P4HA2: variants seen among roughly 807,000 people sequenced by gnomAD.
P4HA2 encodes the protein prolyl 4-hydroxylase subunit alpha-2.
In P4HA2, 46 loss-of-function variants were observed where a neutral mutation model predicts 76.9. The ratio of observed to expected loss-of-function variants is 0.60; its 90% CI spans 0.47 to 0.76. P4HA2 has a LOEUF of 0.76. Ranked by LOEUF, P4HA2 falls within the 30% of genes least tolerant of loss-of-function variation. P4HA2 has a pLI of 0.00. For missense variants in P4HA2, 583 were observed against 669.4 expected, an observed-to-expected ratio of 0.87 and a Z score of 1.42; for synonymous variants, 243 against 254.0, an observed-to-expected ratio of 0.96 and a Z score of 0.41.
chr5:132,195,495 C>T lies in P4HA2; in HGVS notation c.1366-15G>A. ...ACATCACTCATCTGGAAATATAAGA[C>T]ATAGAGCTTGACCCTCCTACCCAAG... On this transcript the variant is annotated splice_polypyrimidine_tract_variant and intron_variant, in intron 12 of 14. Coordinates refer to ENST00000360568, the MANE Select transcript of P4HA2 (RefSeq NM_001017974.2). 1 of 1,603,014 alleles carries T rather than the reference C, an allele frequency of 6.2e-7. No individual in the cohort carries two copies. The highest frequency in any genetic ancestry group is 8.5e-7 in the Non-Finnish European group (1 of 1,169,930).
chr5:132,212,536 G>A (rs1753230574), intron 5 of P4HA2, among the ~76,000 whole-genome samples: 1 of 152,186 alleles, frequency 6.6e-6, no homozygotes, highest in Non-Finnish European at 1.5e-5. Context: ...GTGTTTACAA[G>A]GAGATGAGGA....
Position 132,191,031 on chromosome 5 carries a change from G to A in P4HA2, c.*1979C>T, listed in dbSNP as rs1382750321. Among the ~76,000 whole-genome samples the A allele has an allele frequency of 6.6e-6, 1 of 152,192 alleles. No individual in the cohort carries two copies. Among genetic ancestry groups the A allele is most frequent in the Non-Finnish European group, 1.5e-5 (1 of 68,034 alleles). On this transcript the variant is annotated 3_prime_UTR_variant, in exon 15 of 15. Coordinates refer to ENST00000360568, the MANE Select transcript of P4HA2 (RefSeq NM_001017974.2). ...TGGGAACTGGAAAGTCCGAGATCAA[G>A]ATGCTAGTAGGTTTGTTTCTGGTAA...
At chr5:132,220,392 T>C (rs1257544670) in intron 1 of P4HA2, among the ~76,000 whole-genome samples, 1 of 152,198 alleles carries the variant, frequency 6.6e-6, no homozygotes, top group Non-Finnish European at 1.5e-5. Flanking sequence ...GCTGGGAGGA[T>C]GTATCTGTGA....
chr5:132,195,664 G>C (rs1750524749), intron 12 of P4HA2, 184 bp from the exon 13 acceptor site: 10 of 627,780 alleles, frequency 1.6e-5, no homozygotes, highest in Non-Finnish European at 2.3e-5. Flanking sequence ...TAACCAGTGT[G>C]ATTCATTAGA....
chr5:132,217,507 A>C (rs1754076370), intron 3 of P4HA2, 159 bp from the exon 4 acceptor site: 1 of 685,192 alleles, frequency 1.5e-6, no homozygotes, highest in African/African-American at 1.8e-5. Flanking sequence ...AGATACTTCT[A>C]GCCCCTTAAT....
intron 4 of P4HA2, among the ~76,000 whole-genome samples, chr5:132,215,752 C>T (rs376820446): frequency 1.2e-4 from 18 of 150,160 alleles, no homozygotes; most frequent in African/African-American, 3.7e-4. Flanking sequence ...AGGAGGATCA[C>T]GTGAGGCCAG....
chr5:132,198,158 T>C (rs1319305113), intron 12 of P4HA2, 163 bp downstream of exon 12: 1 of 1,612,570 alleles, frequency 6.2e-7, no homozygotes, highest in South Asian at 1.1e-5. Flanking sequence ...AAGGCAGCCC[T>C]CTGGACCCAG....
chr5:132,195,366 G>A, intron 13 of P4HA2, 46 bp downstream of exon 13: 1 of 1,383,642 alleles, frequency 7.2e-7, no homozygotes, highest in Non-Finnish European at 1.0e-6. Context: ...ACAAAGTAAA[G>A]TCTGAGCCTT....
chr5:132,202,353 C>T (rs965121943), intron 10 of P4HA2: 2 of 151,928 alleles, frequency 1.3e-5, no homozygotes, highest in African/African-American at 4.8e-5. Flanking sequence ...ACAGAAAAAA[C>T]AACAAAAAGA....
intron 1 of P4HA2, among the ~76,000 whole-genome samples, chr5:132,223,391 T>C (rs906374175): frequency 6.6e-6 from 1 of 152,318 alleles, no homozygotes; most frequent in South Asian, 2.1e-4. Flanking sequence ...GCCTCCTGAG[T>C]AGCTTGGACT....
intron 13 of P4HA2, 22 bp downstream of exon 13, chr5:132,195,390 A>G: frequency 6.4e-7 from 1 of 1,569,570 alleles, no homozygotes; most frequent in Non-Finnish European, 8.8e-7. Flanking sequence ...TCAACCTCTG[A>G]CCCACAAGAA....
At chr5:132,215,883 C>A (rs765105077) in intron 4 of P4HA2, among the ~76,000 whole-genome samples, 1 of 132,402 alleles carries the variant, frequency 7.6e-6, no homozygotes, top group South Asian at 2.5e-4. Context: ...AAAAAGGCAG[C>A]GGGCATGGTG....
chr5:132,216,020 C>G (rs1246445830), intron 4 of P4HA2, among the ~76,000 whole-genome samples: 1 of 149,714 alleles, frequency 6.7e-6, no homozygotes, highest in East Asian at 2.0e-4. Context: ...AAAAAATTAG[C>G]TGGGCATGGT....
In P4HA2 at chr5:132,190,806, A is replaced by C. The variant is rs564429739; in HGVS notation, c.*2204T>G. ...AAGCCACAGAAGATATTTGCAAAATATATAACAAAGAACTTGTGTACATAT... is the reference window on the plus strand; with the variant it reads ...AAGCCACAGAAGATATTTGCAAAATCTATAACAAAGAACTTGTGTACATAT... On this transcript the variant is annotated 3_prime_UTR_variant, in exon 15 of 15. Coordinates refer to ENST00000360568, the MANE Select transcript of P4HA2 (RefSeq NM_001017974.2). Among the ~76,000 whole-genome samples the C allele has an allele frequency of 6.6e-6, 1 of 152,352 alleles. No individual in the cohort carries two copies. Among genetic ancestry groups the C allele is most frequent in the East Asian group, 1.9e-4 (1 of 5,186 alleles).
chr5:132,209,285 C>T lies in P4HA2; in HGVS notation c.756G>A (p.Gln252=), dbSNP rs1362024983. The change falls in exon 7 of 15, where the codon CAG becomes CAA. Residue 252 remains glutamine, a synonymous_variant. Coordinates refer to ENST00000360568, the MANE Select transcript of P4HA2 (RefSeq NM_001017974.2). ...TTTTTTCTCTCTCTTCCTCCAATAACTGCTCAAAGTACCGCAGATTCCCTC... is the reference window on the plus strand; with the variant it reads ...TTTTTTCTCTCTCTTCCTCCAATAATTGCTCAAAGTACCGCAGATTCCCTC... ...RAGGNLRYFE[Q]LLEEEREKTL... 2 of 1,614,078 alleles carry T rather than the reference C, an allele frequency of 1.2e-6. No individual in the cohort carries two copies. The highest frequency in any genetic ancestry group is 2.7e-5 in the African/African-American group (2 of 74,932).
Position 132,214,102 on chromosome 5 carries a change from A to C in P4HA2, c.332-49T>G, listed in dbSNP as rs760542008. The stretch of plus-strand genomic sequence containing the variant: ...GAGATTACCCTTGATCCAGGGGCAG[A>C]ATTCCACTTGGGACCAGAGAGGCAG... On this transcript the variant is annotated intron_variant, in intron 4 of 14. Coordinates refer to ENST00000360568, the MANE Select transcript of P4HA2 (RefSeq NM_001017974.2). 3.8e-6 allele frequency: 6 copies of C among 1,593,562 alleles called. No homozygotes were observed. The South Asian group carries it at 6.8e-5, about 18-fold the overall frequency.
At chr5:132,214,245 T>G (rs1044711192) in intron 4 of P4HA2, among the ~76,000 whole-genome samples, 192 bp from the exon 5 acceptor site, 22 of 152,014 alleles carry the variant, frequency 1.4e-4, no homozygotes, top group Admixed American at 1.2e-3. Context: ...TTTCCTTTCT[T>G]ACTCCTCACC....
chr5:132,207,854 T>A lies in P4HA2; in HGVS notation c.934A>T (p.Arg312Trp). Residue 312 changes from arginine (R) to tryptophan (W), a missense_variant, in exon 8 of 15, where the codon AGG becomes TGG. Arg to Trp is a moderately radical substitution (Grantham distance 101). Coordinates refer to ENST00000360568, the MANE Select transcript of P4HA2 (RefSeq NM_001017974.2). The part of the protein sequence containing the change: ...TPRRQKRLFC[R>W]YHHGNRAPQL... ...GGGGCCCTGTTGCCATGGTGGTACC[T>A]ACAGAAAAGCCTCTTCTGTCTACGG... The A allele has an allele frequency of 6.3e-7, 1 of 1,596,672 alleles. No homozygotes were observed. Among genetic ancestry groups the A allele is most frequent in the East Asian group, 2.2e-5 (1 of 44,596 alleles).
rs1055680546 is a variant in P4HA2 at position 132,227,841 on chromosome 5, G to T, written c.-70C>A. On this transcript the variant is annotated 5_prime_UTR_variant, in exon 1 of 15. Transcript: ENST00000360568. ...CCAGAACCTCCCGCGGCGTCGCCCGGTCAGCTCGGCGCCTCCTCCCTTGGC... is the reference window on the plus strand; with the variant it reads ...CCAGAACCTCCCGCGGCGTCGCCCGTTCAGCTCGGCGCCTCCTCCCTTGGC... The T allele has an allele frequency of 7.2e-5, 11 of 152,408 alleles. No homozygotes were observed. Among genetic ancestry groups the T allele is most frequent in the African/African-American group, 2.6e-4 (11 of 41,576 alleles). 9.4% of individuals were successfully genotyped at this position (152,408 alleles called of 1,614,324 possible). A position where few individuals can be genotyped will look rare whatever the true frequency, so the allele number is the denominator to read the frequency against.
Sources: gnomAD v4.1 joint callset for allele counts (sites outside exome capture counted in the v4.1 genomes callset) on GRCh38, gnomAD v4.1.1 for gene constraint, MANE v1.5 for transcripts, NCBI Gene and HGNC (gene_info 2026-07-23, HGNC 2026-07-21) for gene names.